PRUNE2: variants seen among roughly 807,000 people sequenced by gnomAD.
PRUNE2 encodes protein prune homolog 2.
A neutral mutation model predicts 252.0 loss-of-function variants in PRUNE2; 164 were observed. The ratio of observed to expected loss-of-function variants is 0.65; its 90% CI spans 0.57 to 0.74. PRUNE2 has a LOEUF of 0.74. Among genes scored for constraint, PRUNE2 ranks in the 30% least tolerant of loss-of-function variants. The pLI is 0.00. For synonymous variants in PRUNE2, 1,292 were observed against 1,350.2 expected (o/e 0.96, Z 0.94); for missense variants, 3,495 against 3,711.0 (o/e 0.94, Z 1.51).
chr9:76,647,055 G>A (rs1360473518), intron 11 of PRUNE2, among the ~76,000 whole-genome samples: 4 of 152,092 alleles, frequency 2.6e-5, no homozygotes, highest in African/African-American at 9.7e-5. Flanking sequence ...TGGATATGTT[G>A]GCATGTGCCT....
At position 76,707,575 on chromosome 9, in the gene PRUNE2, C is replaced by T; in HGVS notation, c.4699G>A (p.Gly1567Arg). The change falls in exon 8 of 19, where the codon GGG (glycine) becomes AGG (arginine). Residue 1567 changes from glycine (G) to arginine (R), a missense_variant. By Grantham distance (125) the Gly-to-Arg change is moderately radical. Coordinates refer to ENST00000376718, the MANE Select transcript of PRUNE2 (RefSeq NM_015225.3). Reference protein sequence around the residue: ...LSSWGQQPSSGYQEENQGNWS... With the variant: ...LSSWGQQPSSRYQEENQGNWS... ...TTGCCTTGGTTTTCTTCTTGATACC[C>T]AGAACTGGGTTGCTGGCCCCAGGAG... The T allele has an allele frequency of 6.2e-7, 1 of 1,613,882 alleles. No homozygotes were observed. The highest frequency in any genetic ancestry group is 8.5e-7 in the Non-Finnish European group (1 of 1,179,888).
At chr9:76,774,456 T>TATTTATTTATTTATTTATTTA (rs770848796) in intron 6 of PRUNE2, among the ~76,000 whole-genome samples, 2 of 133,814 alleles carry the variant, frequency 1.5e-5, no homozygotes, top group Admixed American at 7.6e-5. Flanking sequence ...AACCCTTTTT[T>TATTTATTTATTTATTTATTTA]TTTTTTTTTT....
At chr9:76,702,062 G>A (rs1427737261) in intron 9 of PRUNE2, among the ~76,000 whole-genome samples, 5 of 148,626 alleles carry the variant, frequency 3.4e-5, no homozygotes, top group African/African-American at 7.5e-5. Context: ...ATCTTTTCTC[G>A]CTTTTTTTTT....
At chr9:76,624,549 G>A in intron 16 of PRUNE2, 59 bp from the exon 17 acceptor site, 1 of 1,247,160 alleles carries the variant, frequency 8.0e-7, no homozygotes, top group South Asian at 2.4e-5. Context: ...AGCACAGCAT[G>A]AGACAGTCAC....
Position 76,807,871 on chromosome 9 carries a change from T to C in PRUNE2, c.756+15761A>G, listed in dbSNP as rs927358641. ...AGCACATACTGATGTCTGTCTGTCA[T>C]TTTCTCCATTAGAAAGAACTTACAG... On this transcript the variant is annotated intron_variant, in intron 6 of 18. Coordinates refer to ENST00000376718, the MANE Select transcript of PRUNE2 (RefSeq NM_015225.3). Among the ~76,000 whole-genome samples, 3 of 152,318 alleles carry C rather than the reference T, an allele frequency of 2.0e-5. No homozygotes were observed. The East Asian group carries it at 5.8e-4, about 29-fold the overall frequency.
At chr9:76,623,612 A>AG (rs1833390675) in intron 17 of PRUNE2, among the ~76,000 whole-genome samples, 1 of 152,188 alleles carries the variant, frequency 6.6e-6, no homozygotes, top group African/African-American at 2.4e-5. Context: ...ACAGCTCAAT[A>AG]GGGGCAGAGG....
chr9:76,756,176 C>A (rs539303445), intron 6 of PRUNE2, among the ~76,000 whole-genome samples: 196 of 152,272 alleles, frequency 1.3e-3, no homozygotes, highest in African/African-American at 4.6e-3. Flanking sequence ...ATCTGAAAAT[C>A]CCCCAACTAA....
intron 6 of PRUNE2, among the ~76,000 whole-genome samples, chr9:76,728,194 C>A (rs2048285673): frequency 6.6e-6 from 1 of 152,148 alleles, no homozygotes; most frequent in Non-Finnish European, 1.5e-5. Flanking sequence ...TGCCTGATAA[C>A]AGGCTACCAG....
intron 6 of PRUNE2, among the ~76,000 whole-genome samples, chr9:76,788,746 G>A (rs566586135): frequency 6.6e-6 from 1 of 152,204 alleles, no homozygotes; most frequent in African/African-American, 2.4e-5. Context: ...AGAAGAGAGA[G>A]AGACTCATAT....
chr9:76,790,017 A>G (rs897902206), intron 6 of PRUNE2, among the ~76,000 whole-genome samples: 1 of 152,180 alleles, frequency 6.6e-6, no homozygotes, highest in Non-Finnish European at 1.5e-5. Flanking sequence ...TTCTAAGTTA[A>G]TTAAGCCTTG....
intron 6 of PRUNE2, among the ~76,000 whole-genome samples, chr9:76,741,772 A>T (rs2049641984): frequency 6.6e-6 from 1 of 152,190 alleles, no homozygotes; most frequent in Non-Finnish European, 1.5e-5. Context: ...CCTTGCAGTC[A>T]GCTTCCCGCA....
At chr9:76,672,600 AT>A (rs2041734436) in intron 9 of PRUNE2, among the ~76,000 whole-genome samples, 1 of 133,562 alleles carries the variant, frequency 7.5e-6, no homozygotes, top group Admixed American at 7.9e-5. Context: ...CAGAATATAC[AT>A]TTTTTTCAGC....
At chr9:76,849,849 A>AAAAC (rs1347821427) in intron 3 of PRUNE2, among the ~76,000 whole-genome samples, 3 of 152,080 alleles carry the variant, frequency 2.0e-5, no homozygotes, top group Non-Finnish European at 4.4e-5. Flanking sequence ...AAAACAAAAC[A>AAAAC]AAACAAAAAA....
intron 6 of PRUNE2, among the ~76,000 whole-genome samples, chr9:76,755,783 G>A (rs1299397771): frequency 6.6e-6 from 1 of 152,084 alleles, no homozygotes; most frequent in Non-Finnish European, 1.5e-5. Context: ...GCTCACTGCA[G>A]GTCGACTTCC....
chr9:76,822,299 G>A (rs892658153), intron 6 of PRUNE2, among the ~76,000 whole-genome samples: 2 of 152,152 alleles, frequency 1.3e-5, no homozygotes, highest in African/African-American at 2.4e-5. Context: ...TGTAAACTGT[G>A]AGGTGCCACC....
chr9:76,670,815 A>G (rs2041288193), intron 9 of PRUNE2, among the ~76,000 whole-genome samples: 1 of 151,832 alleles, frequency 6.6e-6, no homozygotes. Flanking sequence ...ACGGCAGGGT[A>G]CTCCAACAGA....
intron 1 of PRUNE2, among the ~76,000 whole-genome samples, chr9:76,854,881 G>A (rs1202754478): frequency 6.6e-6 from 1 of 151,464 alleles, no homozygotes; most frequent in Admixed American, 6.6e-5. Context: ...TGGCCAATAT[G>A]GTGAAACCCC....
chr9:76,801,308 A>G (rs990959272), intron 6 of PRUNE2, among the ~76,000 whole-genome samples: 2 of 152,248 alleles, frequency 1.3e-5, no homozygotes, highest in African/African-American at 4.8e-5. Context: ...AAAGAATATT[A>G]GAAGAATATA....
intron 16 of PRUNE2, among the ~76,000 whole-genome samples, chr9:76,628,515 C>T (rs1020952884): frequency 1.3e-5 from 2 of 152,046 alleles, no homozygotes; most frequent in Admixed American, 6.6e-5. Flanking sequence ...ATAAAGAAAT[C>T]CAAGCTATGC....
Sources: allele counts gnomAD v4.1 joint callset (sites outside exome capture counted in the v4.1 genomes callset), GRCh38; gene constraint gnomAD v4.1.1; transcripts MANE v1.5; gene names NCBI Gene and HGNC (gene_info 2026-07-23, HGNC 2026-07-21).